Variants in DCAF1 observed in about 807,000 individuals in gnomAD.
DCAF1 encodes DDB1- and CUL4-associated factor 1.
DCAF1 carries 15 observed loss-of-function variants against 128.0 expected under a neutral mutation model. The observed-to-expected ratio is 0.12, with a 90% CI of 0.08 to 0.18. The LOEUF is 0.18. Among genes scored for constraint, DCAF1 ranks in the 10% least tolerant of loss-of-function variants. DCAF1 has a pLI of 1.00. For synonymous variants in DCAF1, 610 were observed against 603.0 expected, an observed-to-expected ratio of 1.01 and a Z score of -0.17; for missense variants, 988 against 1,649.5, an observed-to-expected ratio of 0.60 and a Z score of 6.95.
At chr3:51,475,861 A>T (rs952750033) in intron 3 of DCAF1, among the ~76,000 whole-genome samples, 2 of 151,804 alleles carry the variant, frequency 1.3e-5, no homozygotes, top group African/African-American at 2.4e-5. Flanking sequence ...ACTATGTCTC[A>T]TAAAAAAAAA....
At chr3:51,471,633 C>T (rs1013509998) in intron 3 of DCAF1, among the ~76,000 whole-genome samples, 8 of 151,808 alleles carry the variant, frequency 5.3e-5, no homozygotes, top group Non-Finnish European at 1.0e-4. Flanking sequence ...TCTGGGAGGC[C>T]GAGGCAGGAG....
chr3:51,437,122 G>A (rs1398464780), intron 9 of DCAF1, among the ~76,000 whole-genome samples: 1 of 152,002 alleles, frequency 6.6e-6, no homozygotes, highest in African/African-American at 2.4e-5. Flanking sequence ...AAGTAGCCAG[G>A]CGTGGTGGCA....
chr3:51,398,720 G>T lies in DCAF1; in HGVS notation c.*49C>A. The T allele has an allele frequency of 6.4e-7, 1 of 1,557,740 alleles. No homozygotes were observed. On this transcript the variant is annotated 3_prime_UTR_variant, in exon 25 of 25. Coordinates refer to ENST00000684031, the MANE Select transcript of DCAF1 (RefSeq NM_001387579.1). ...AAGGGAATATGTTCTGAATTCATTTGACTCAGTTTCTCGCCTGCCAAGAAT... is the reference window on the plus strand; with the variant it reads ...AAGGGAATATGTTCTGAATTCATTTTACTCAGTTTCTCGCCTGCCAAGAAT...
chr3:51,448,497 T>C (rs781934859), intron 6 of DCAF1, among the ~76,000 whole-genome samples: 5 of 152,194 alleles, frequency 3.3e-5, no homozygotes, highest in Non-Finnish European at 7.3e-5. Flanking sequence ...ACTGAGACTA[T>C]AAGCATGCAT....
At chr3:51,439,823 C>A (rs1577149273) in intron 9 of DCAF1, among the ~76,000 whole-genome samples, 2 of 151,846 alleles carry the variant, frequency 1.3e-5, no homozygotes, top group East Asian at 3.9e-4. Flanking sequence ...GAAACCCTAT[C>A]TCTACTAAAA....
intron 3 of DCAF1, among the ~76,000 whole-genome samples, chr3:51,474,784 CTT>C (rs782363207): frequency 1.5e-4 from 18 of 121,730 alleles, no homozygotes; most frequent in African/African-American, 1.5e-4. Flanking sequence ...GCATGCCTGG[CTT>C]TTTTTTTTTT....
Position 51,420,254 on chromosome 3 carries a change from C to T in DCAF1, c.2716G>A (p.Ala906Thr), listed in dbSNP as rs782568515. ...PVSLPRTPRIANGIATRLGSH... is the reference protein window; with the variant it reads ...PVSLPRTPRITNGIATRLGSH... ...CCCAGACGAGTTGCAATGCCATTAG[C>T]GATACGAGGGGTTCGGGGTAGAGAG... Residue 906 changes from alanine (A) to threonine (T), a missense_variant, in exon 15 of 25, where the codon GCT becomes ACT. Coordinates refer to ENST00000684031, the MANE Select transcript of DCAF1 (RefSeq NM_001387579.1). The surrounding 1 kb of genome is among the most constrained non-coding windows in gnomAD (Gnocchi z 6.5). 13 of 1,613,816 alleles carry T rather than the reference C, an allele frequency of 8.1e-6. No individual in the cohort carries two copies. Among genetic ancestry groups the T allele is most frequent in the East Asian group, 4.5e-5 (2 of 44,882 alleles).
chr3:51,407,983 T>TAAAAA (rs1559474297), intron 23 of DCAF1, among the ~76,000 whole-genome samples: 2 of 2,962 alleles, frequency 6.8e-4, no homozygotes, highest in Non-Finnish European at 1.0e-3. Flanking sequence ...AGACTCCATC[T>TAAAAA]CAAAAAAAAA....
At chr3:51,459,233 C>T (rs1164439628) in intron 6 of DCAF1, among the ~76,000 whole-genome samples, 3 of 152,022 alleles carry the variant, frequency 2.0e-5, no homozygotes, top group African/African-American at 4.8e-5. Flanking sequence ...ATATCACAAC[C>T]GATCCCACGG....
Position 51,413,986 on chromosome 3 carries a change from C to A in DCAF1, c.3895G>T (p.Val1299Leu). 6.2e-7 allele frequency: 1 copy of A among 1,602,878 alleles called. No individual in the cohort carries two copies. Residue 1299 changes from valine (V) to leucine (L), a missense_variant, in exon 20 of 25, where the codon GTG (valine) becomes TTG (leucine). By Grantham distance (32) the Val-to-Leu change is conservative. Coordinates refer to ENST00000684031, the MANE Select transcript of DCAF1 (RefSeq NM_001387579.1). ...ACTGTTCCCGTGTGATTGAACACCA[C>A]GCGACACTGATCCAGAGCGGGAACA... ...HTVPALDQCR[V>L]VFNHTGTVMY...
downstream of DCAF1, chr3:51,396,136 T>TATC (rs782627643): frequency 5.2e-5 from 21 of 402,536 alleles, no homozygotes; most frequent in African/African-American, 1.7e-4. Context: ...CTGGGCTACC[T>TATC]ATCTTCCTTC....
chr3:51,416,850 G>A lies in DCAF1; in HGVS notation c.3540C>T (p.His1180=). Residue 1180 remains histidine, a synonymous_variant, in exon 18 of 25, where the codon CAC becomes CAT. Transcript: ENST00000684031. ...GGGAGTGCTTACTGAACTCAACATAGTGATCTTCTGTGAAGGAATGCCTAT... is the reference window on the plus strand; with the variant it reads ...GGGAGTGCTTACTGAACTCAACATAATGATCTTCTGTGAAGGAATGCCTAT... ...FDMKHSFTED[H]YVEFSKHSQD... 6.2e-7 allele frequency: 1 copy of A among 1,609,726 alleles called. No homozygotes were observed. The highest frequency in any genetic ancestry group is 1.3e-5 in the African/African-American group (1 of 74,960).
chr3:51,428,133 A>G (rs1291137831), intron 12 of DCAF1, among the ~76,000 whole-genome samples: 2 of 152,138 alleles, frequency 1.3e-5, no homozygotes, highest in South Asian at 2.1e-4. Context: ...CTTTGTGCAT[A>G]TAAGTTACAG....
intron 2 of DCAF1, among the ~76,000 whole-genome samples, chr3:51,492,135 G>C (rs1319044745): frequency 6.6e-6 from 1 of 151,146 alleles, no homozygotes; most frequent in Non-Finnish European, 1.5e-5. Context: ...CTCTAGCCTG[G>C]TGACAGAGCA....
intron 2 of DCAF1, among the ~76,000 whole-genome samples, chr3:51,484,227 C>T (rs1408075623): frequency 1.3e-5 from 2 of 152,052 alleles, no homozygotes; most frequent in African/African-American, 4.8e-5. Flanking sequence ...AATCCCAGCA[C>T]TTTGGGAGGC....
chr3:51,459,336 A>T (rs1553643854), intron 6 of DCAF1, among the ~76,000 whole-genome samples: 1 of 152,190 alleles, frequency 6.6e-6, no homozygotes, highest in Admixed American at 6.6e-5. Flanking sequence ...CGACACATAC[A>T]TCCTCCCAAG....
At chr3:51,461,446 A>C (rs1384709918) in intron 6 of DCAF1, among the ~76,000 whole-genome samples, 2 of 152,134 alleles carry the variant, frequency 1.3e-5, no homozygotes, top group African/African-American at 4.8e-5. Context: ...AAATAGGAAC[A>C]CTTTTACACT....
chr3:51,448,469 G>C (rs1394108789), intron 6 of DCAF1, among the ~76,000 whole-genome samples: 1 of 152,158 alleles, frequency 6.6e-6, no homozygotes. Context: ...GGATCCTCCT[G>C]CCTCAGCCTT....
chr3:51,489,142 TG>T (rs1553656769), intron 2 of DCAF1, among the ~76,000 whole-genome samples: 3 of 151,946 alleles, frequency 2.0e-5, no homozygotes. Context: ...AACACTGTAC[TG>T]GAGTCCTCCG....
Sources: gnomAD v4.1 joint callset for allele counts (sites outside exome capture counted in the v4.1 genomes callset) on GRCh38, gnomAD v4.1.1 for gene constraint, Gnocchi (gnomAD v3.1) non-coding constraint, MANE v1.5 for transcripts, NCBI Gene and HGNC (gene_info 2026-07-23, HGNC 2026-07-21) for gene names.